Variants in CNTNAP5 observed in about 807,000 individuals in gnomAD.
CNTNAP5 encodes the protein contactin-associated protein-like 5.
CNTNAP5 carries 72 observed loss-of-function variants against 150.2 expected under a neutral mutation model. The ratio of observed to expected loss-of-function variants is 0.48; its 90% CI spans 0.40 to 0.58. The LOEUF is 0.58. Ranked by LOEUF, CNTNAP5 falls within the 20% of genes least tolerant of loss-of-function variation. The pLI, the probability that CNTNAP5 is intolerant of heterozygous loss-of-function variation, is 0.00. For synonymous variants in CNTNAP5, 672 were observed against 619.8 expected (o/e 1.08, Z -1.25); for missense variants, 1,636 against 1,626.2 (o/e 1.01, Z -0.10).
At chr2:124,395,268 A>G (rs1052531089) in intron 3 of CNTNAP5, among the ~76,000 whole-genome samples, 12 of 152,178 alleles carry the variant, frequency 7.9e-5, no homozygotes, top group Non-Finnish European at 1.8e-4. Flanking sequence ...TTCAGAGGAA[A>G]CAGAAAGCAT....
chr2:124,147,167 G>A (rs1480433998), intron 1 of CNTNAP5, among the ~76,000 whole-genome samples: 2 of 152,192 alleles, frequency 1.3e-5, no homozygotes, highest in African/African-American at 2.4e-5. Context: ...CTTTTGAGGA[G>A]TGTAGCATTT....
At chr2:124,742,679 T>C (rs145548349) in intron 13 of CNTNAP5, among the ~76,000 whole-genome samples, 2 of 152,078 alleles carry the variant, frequency 1.3e-5, no homozygotes, top group African/African-American at 4.8e-5. Context: ...ATTTGAGTTT[T>C]CCCATACCTT....
chr2:124,869,037 G>A (rs1203325099), intron 20 of CNTNAP5, among the ~76,000 whole-genome samples: 1 of 152,112 alleles, frequency 6.6e-6, no homozygotes, highest in Non-Finnish European at 1.5e-5. Context: ...TCTAAAGGAT[G>A]GTCATAGAAA....
chr2:124,113,266 T>C (rs1683341408), intron 1 of CNTNAP5, among the ~76,000 whole-genome samples: 1 of 152,140 alleles, frequency 6.6e-6, no homozygotes, highest in Non-Finnish European at 1.5e-5. Flanking sequence ...TTCATAATCT[T>C]ACAATTAATT....
chr2:124,461,456 T>C (rs1693249264), intron 6 of CNTNAP5, among the ~76,000 whole-genome samples: 3 of 140,466 alleles, frequency 2.1e-5, no homozygotes, highest in Admixed American at 8.0e-5. Context: ...ATATTCTCAC[T>C]CATAGGTGGG....
At chr2:124,052,339 G>A (rs1040640886) in intron 1 of CNTNAP5, among the ~76,000 whole-genome samples, 3 of 152,184 alleles carry the variant, frequency 2.0e-5, no homozygotes, top group Non-Finnish European at 2.9e-5. Context: ...CTCTGACCCA[G>A]GGGAGTAGTC....
chr2:124,437,311 A>G (rs1165091797), intron 5 of CNTNAP5, among the ~76,000 whole-genome samples: 1 of 152,120 alleles, frequency 6.6e-6, no homozygotes, highest in Admixed American at 6.5e-5. Flanking sequence ...ACAATGGGGT[A>G]TATTTACAGA....
Position 124,163,973 on chromosome 2 carries a change from T to C in CNTNAP5, c.83-57732T>C, listed in dbSNP as rs1003458676. ...CTTCACTTCACTTACTTAGCTGGAG[T>C]CTATCCAAAACATTCATTTTCTTAC... On this transcript the variant is annotated intron_variant, in intron 1 of 23. Coordinates refer to ENST00000682447, the MANE Select transcript of CNTNAP5 (RefSeq NM_001367498.1). 2.0e-5 allele frequency among the ~76,000 whole-genome samples: 3 copies of C among 152,106 alleles called. No individual in the cohort carries two copies. The South Asian group carries it at 6.2e-4, about 32-fold the overall frequency.
chr2:124,611,919 AT>A (rs932989230), intron 12 of CNTNAP5, among the ~76,000 whole-genome samples: 43 of 152,146 alleles, frequency 2.8e-4, no homozygotes, highest in African/African-American at 9.6e-4. Context: ...AGAGGCAGAC[AT>A]TTTTTTTATC....
At chr2:124,786,404 AAGGAAG>A (rs1681585108) in intron 17 of CNTNAP5, among the ~76,000 whole-genome samples, 54 of 92,368 alleles carry the variant, frequency 5.8e-4, no homozygotes, top group African/African-American at 1.7e-3. Flanking sequence ...AGAAAGAAGG[AAGGAAG>A]GAAGGAAGGA....
intron 3 of CNTNAP5, among the ~76,000 whole-genome samples, chr2:124,279,310 C>T (rs1330442328): frequency 6.6e-6 from 1 of 151,710 alleles, no homozygotes; most frequent in Non-Finnish European, 1.5e-5. Context: ...GTGTAGTTTC[C>T]ACTAGGTTAA....
chr2:124,270,320 G>A (rs1687715008), intron 3 of CNTNAP5, among the ~76,000 whole-genome samples: 1 of 151,628 alleles, frequency 6.6e-6, no homozygotes, highest in Non-Finnish European at 1.5e-5. Context: ...AAAAAAAAAA[G>A]GACTTTATGA....
chr2:124,096,173 T>C (rs1278203357), intron 1 of CNTNAP5, among the ~76,000 whole-genome samples: 3 of 152,232 alleles, frequency 2.0e-5, no homozygotes, highest in Non-Finnish European at 4.4e-5. Context: ...AACATTCCAG[T>C]ATCCTTGCCC....
At chr2:124,786,352 G>GGAAGA (rs1681572623) in intron 17 of CNTNAP5, among the ~76,000 whole-genome samples, 16 of 59,220 alleles carry the variant, frequency 2.7e-4, no homozygotes, top group African/African-American at 1.0e-3. Flanking sequence ...AGAAAGAAAG[G>GGAAGA]AAGAAAGAAA....
chr2:124,786,344 A>AAAGG (rs1337327605), intron 17 of CNTNAP5, among the ~76,000 whole-genome samples: 1 of 112,230 alleles, frequency 8.9e-6, no homozygotes, highest in Non-Finnish European at 1.8e-5. Flanking sequence ...AGAAAGAAAG[A>AAAGG]AAGAAAGGAA....
chr2:124,371,333 T>C (rs1461114391), intron 3 of CNTNAP5, among the ~76,000 whole-genome samples: 1 of 152,148 alleles, frequency 6.6e-6, no homozygotes, highest in Non-Finnish European at 1.5e-5. Flanking sequence ...CATAGGTTCT[T>C]AGTCTACCAA....
rs1016530810 is a variant in CNTNAP5, at chr2:124,336,732, C to T, written c.382-80711C>T. Among the ~76,000 whole-genome samples the T allele has an allele frequency of 3.0e-3, 459 of 152,088 alleles. 3 individuals are homozygous for T. Among genetic ancestry groups the T allele is most frequent in the Non-Finnish European group, 5.3e-3 (359 of 68,018 alleles). On this transcript the variant is annotated intron_variant, in intron 3 of 23. Transcript: ENST00000682447. ...TCATTTTTTATGGCTGCATAGTATT[C>T]CATGGTATATATGTGCCACATTTTC...
At chr2:124,264,381 C>CAG (rs1372296518) in intron 3 of CNTNAP5, among the ~76,000 whole-genome samples, 17 of 103,160 alleles carry the variant, frequency 1.6e-4, no homozygotes, top group African/African-American at 1.2e-4. Flanking sequence ...CAGGCACACA[C>CAG]ACACACATAC....
chr2:124,222,275 C>T (rs1200578618), intron 2 of CNTNAP5, among the ~76,000 whole-genome samples: 2 of 151,950 alleles, frequency 1.3e-5, no homozygotes, highest in Non-Finnish European at 2.9e-5. Flanking sequence ...TGTTATTCTA[C>T]CAGCTAGAAA....
Sources: allele counts gnomAD v4.1 joint callset (sites outside exome capture counted in the v4.1 genomes callset), GRCh38; gene constraint gnomAD v4.1.1; transcripts MANE v1.5; gene names NCBI Gene and HGNC (gene_info 2026-07-23, HGNC 2026-07-21).